Variants in ROBO1 observed in about 807,000 individuals in gnomAD.
ROBO1 encodes roundabout guidance receptor 1.
In ROBO1, 149 loss-of-function variants were observed where a neutral mutation model predicts 195.9. That is an observed-to-expected ratio of 0.76 (90% CI 0.67 to 0.87). ROBO1 has a LOEUF of 0.87. ROBO1 is among the 40% of genes least tolerant of loss of function. The probability of loss-of-function intolerance (pLI) is 0.00; values close to 1 mark genes in which losing one functional copy is unlikely to be tolerated. For missense variants in ROBO1, 1,933 were observed against 2,068.3 expected (o/e 0.93, Z 1.27); for synonymous variants, 816 against 733.2 (o/e 1.11, Z -1.82).
chr3:79,363,438 C>T (rs193250055), intron 2 of ROBO1, among the ~76,000 whole-genome samples: 1 of 152,036 alleles, frequency 6.6e-6, no homozygotes, highest in East Asian at 1.9e-4. Context: ...TTTATGATAC[C>T]AGGATTTTAA....
At chr3:78,694,828 A>G (rs1287493278) in intron 8 of ROBO1, among the ~76,000 whole-genome samples, 1 of 152,166 alleles carries the variant, frequency 6.6e-6, no homozygotes, top group Non-Finnish European at 1.5e-5. Flanking sequence ...TACCGTTTGG[A>G]TTAATCTGTG....
intron 21 of ROBO1, among the ~76,000 whole-genome samples, chr3:78,645,276 T>C (rs1706205062): frequency 6.6e-6 from 1 of 152,120 alleles, no homozygotes; most frequent in Non-Finnish European, 1.5e-5. Flanking sequence ...TCCGGTGGTA[T>C]GTTCCTTGAA....
intron 1 of ROBO1, among the ~76,000 whole-genome samples, chr3:79,652,184 T>C (rs1369204209): frequency 6.6e-6 from 1 of 152,132 alleles, no homozygotes; most frequent in African/African-American, 2.4e-5. Flanking sequence ...TCATTATTCT[T>C]GTTGTCTTGG....
At position 79,551,993 on chromosome 3, in the gene ROBO1, A is replaced by C. The variant is rs1370267247; in HGVS notation, c.88+37831T>G. On this transcript the variant is annotated intron_variant, in intron 2 of 30. Transcript: ENST00000464233. Reference sequence around the variant, plus strand: ...TCTCTACAGAGTTAAAAAAAAAAAAAAAAAAAAAAAAAAAAAAAAAACAGA... The same window carrying C: ...TCTCTACAGAGTTAAAAAAAAAAAACAAAAAAAAAAAAAAAAAAAAACAGA... 6.7e-4 allele frequency among the ~76,000 whole-genome samples: 97 copies of C among 145,624 alleles called. 4 individuals carry two copies. The East Asian group carries it at 0.017, about 26-fold the overall frequency.
At chr3:78,898,545 G>A (rs530511881) in intron 4 of ROBO1, among the ~76,000 whole-genome samples, 1 of 151,312 alleles carries the variant, frequency 6.6e-6, no homozygotes, top group South Asian at 2.1e-4. Context: ...CCACCACCAT[G>A]CCCGGCTAAT....
chr3:78,858,316 A>T (rs2034574834), intron 4 of ROBO1, among the ~76,000 whole-genome samples: 1 of 152,104 alleles, frequency 6.6e-6, no homozygotes, highest in Admixed American at 6.5e-5. Context: ...CCCCTCCTTC[A>T]CCAGGACCAA....
At chr3:79,747,442 T>C (rs1703926245) in intron 1 of ROBO1, among the ~76,000 whole-genome samples, 1 of 152,040 alleles carries the variant, frequency 6.6e-6, no homozygotes. Flanking sequence ...TTTGTTTGTG[T>C]AGGCATTATA....
intron 5 of ROBO1, among the ~76,000 whole-genome samples, chr3:78,718,675 A>G (rs920410513): frequency 1.3e-5 from 2 of 152,034 alleles, no homozygotes; most frequent in African/African-American, 2.4e-5. Flanking sequence ...TCAATTACCC[A>G]TGAATATCTA....
At chr3:79,404,767 T>G (rs2037484945) in intron 2 of ROBO1, among the ~76,000 whole-genome samples, 2 of 152,088 alleles carry the variant, frequency 1.3e-5, no homozygotes. Flanking sequence ...AAGCATATAC[T>G]TACCATGGCC....
chr3:79,187,742 T>A lies in ROBO1; in HGVS notation c.89-62203A>T, dbSNP rs574734786. ...AACCTGGTTTCAGGCACAGCTATAG[T>A]CAATTCTATACAATTAATTAAAATT... On this transcript the variant is annotated intron_variant, in intron 2 of 30. Coordinates refer to ENST00000464233, the MANE Select transcript of ROBO1 (RefSeq NM_002941.4). 5.7e-4 allele frequency among the ~76,000 whole-genome samples: 86 copies of A among 152,132 alleles called. 1 individual carries two copies. The highest frequency in any genetic ancestry group is 2.4e-4 in the Non-Finnish European group (16 of 67,922).
intron 4 of ROBO1, among the ~76,000 whole-genome samples, chr3:78,869,015 T>G (rs1397739205): frequency 3.3e-5 from 5 of 152,182 alleles, no homozygotes; most frequent in Non-Finnish European, 7.3e-5. Context: ...AGACAATAAG[T>G]TATGTAGTTA....
At chr3:78,770,174 C>T (rs1386615765) in intron 4 of ROBO1, among the ~76,000 whole-genome samples, 1 of 152,122 alleles carries the variant, frequency 6.6e-6, no homozygotes, top group Non-Finnish European at 1.5e-5. Flanking sequence ...AATATGTTTT[C>T]CAGGCTTTTA....
intron 21 of ROBO1, among the ~76,000 whole-genome samples, chr3:78,643,020 G>A (rs6785387): frequency 0.98 from 149,339 of 152,286 alleles, 73,235 homozygotes; most frequent in East Asian, 1. Context: ...GTGATTTATC[G>A]CATTTATTTA....
intron 1 of ROBO1, among the ~76,000 whole-genome samples, chr3:79,668,640 G>A (rs1432484776): frequency 1.3e-5 from 2 of 151,208 alleles, no homozygotes; most frequent in Non-Finnish European, 3.0e-5. Flanking sequence ...ATAGAAATAA[G>A]CAACTCAAAG....
rs1037294749 is a variant in ROBO1, at chr3:79,315,538, G to A, written c.89-189999C>T. On this transcript the variant is annotated intron_variant, in intron 2 of 30. Coordinates refer to ENST00000464233, the MANE Select transcript of ROBO1 (RefSeq NM_002941.4). ...GCTGTATGAGAAGATGGGAAATAAC[G>A]GAGAGCAATAAAAGTGGGAATGAGA... Among the ~76,000 whole-genome samples the A allele has an allele frequency of 4.6e-5, 7 of 152,240 alleles. No homozygotes were observed. The South Asian group carries it at 6.2e-4, about 14-fold the overall frequency.
intron 2 of ROBO1, among the ~76,000 whole-genome samples, chr3:79,352,050 T>C (rs541039131): frequency 6.6e-6 from 1 of 152,334 alleles, no homozygotes; most frequent in South Asian, 2.1e-4. Context: ...ACAAAGGTAA[T>C]TTTGAACAGA....
intron 1 of ROBO1, among the ~76,000 whole-genome samples, chr3:79,703,901 T>C (rs1046853967): frequency 1.3e-5 from 2 of 151,990 alleles, no homozygotes; most frequent in Non-Finnish European, 2.9e-5. Context: ...AGAGAGTCTT[T>C]GATGAAGAAA....
chr3:79,113,313 G>T (rs533665024), intron 3 of ROBO1, among the ~76,000 whole-genome samples: 2 of 151,952 alleles, frequency 1.3e-5, no homozygotes, highest in South Asian at 4.2e-4. Context: ...GCGACAGTCT[G>T]CCAGTTTTCG....
rs148522921 is a variant in ROBO1, at chr3:78,779,670, T to C, written c.500-32770A>G. On this transcript the variant is annotated intron_variant, in intron 4 of 30. Transcript: ENST00000464233. ...TTACACTGTTGGTGGGAGTGTCAATTAGTTCAACCATTGTGGAAGACTGTG... is the reference window on the plus strand; with the variant it reads ...TTACACTGTTGGTGGGAGTGTCAATCAGTTCAACCATTGTGGAAGACTGTG... Among the ~76,000 whole-genome samples the C allele has an allele frequency of 5.8e-3, 878 of 152,280 alleles. 16 individuals carry two copies. The East Asian group carries it at 0.074, about 13-fold the overall frequency.
Sources: gnomAD v4.1 joint callset for allele counts (sites outside exome capture counted in the v4.1 genomes callset) on GRCh38, gnomAD v4.1.1 for gene constraint, MANE v1.5 for transcripts, NCBI Gene and HGNC (gene_info 2026-07-23, HGNC 2026-07-21) for gene names.